DNAAF4: variants seen among roughly 807,000 people sequenced by gnomAD.
The protein encoded by DNAAF4 is dynein assembly factor 4, axonemal.
DNAAF4 carries 43 observed loss-of-function variants against 51.8 expected under a neutral mutation model. The observed-to-expected ratio is 0.83, with a 90% CI of 0.65 to 1.07. The LOEUF is 1.07. DNAAF4 is among the 50% of genes least tolerant of loss of function. DNAAF4 has a pLI of 0.00. For synonymous variants in DNAAF4, 194 were observed against 165.6 expected (o/e 1.17, Z -1.32); for missense variants, 581 against 493.0 (o/e 1.18, Z -1.69).
intron 5 of DNAAF4, among the ~76,000 whole-genome samples, chr15:55,460,171 ATTTAC>A (rs1351349105): frequency 6.8e-6 from 1 of 147,372 alleles, no homozygotes; most frequent in East Asian, 2.0e-4. Flanking sequence ...TTATTTATTT[ATTTAC>A]TTATTTATTT....
At chr15:55,484,929 C>T (rs923110662) in intron 4 of DNAAF4, among the ~76,000 whole-genome samples, 2 of 152,180 alleles carry the variant, frequency 1.3e-5, no homozygotes, top group African/African-American at 4.8e-5. Flanking sequence ...GGTGGGTCTG[C>T]CTTTCCCAGC....
chr15:55,501,745 G>A, intron 1 of DNAAF4, among the ~76,000 whole-genome samples: 1 of 151,346 alleles, frequency 6.6e-6, no homozygotes. Context: ...CTAAAATTAA[G>A]AAGTGTTGCT....
At chr15:55,465,011 C>A (rs567701565) in intron 5 of DNAAF4, among the ~76,000 whole-genome samples, 1 of 152,084 alleles carries the variant, frequency 6.6e-6, no homozygotes, top group African/African-American at 2.4e-5. Flanking sequence ...TGCTCAACAC[C>A]GCTAATTATT....
At chr15:55,485,981 C>A (rs1413174943) in intron 4 of DNAAF4, among the ~76,000 whole-genome samples, 4 of 116,694 alleles carry the variant, frequency 3.4e-5, no homozygotes, top group Non-Finnish European at 4.9e-5. Context: ...GACAACAGAG[C>A]GAGACTCCAT....
intron 1 of DNAAF4, among the ~76,000 whole-genome samples, chr15:55,499,934 T>C (rs928230037): frequency 6.6e-6 from 1 of 152,218 alleles, no homozygotes; most frequent in African/African-American, 2.4e-5. Flanking sequence ...TGCTCCAGGC[T>C]GCTTTCTGCA....
intron 1 of DNAAF4, among the ~76,000 whole-genome samples, chr15:55,506,366 C>CT (rs2058727322): frequency 6.6e-6 from 1 of 152,162 alleles, no homozygotes; most frequent in Admixed American, 6.5e-5. Context: ...GATGCTGATG[C>CT]TTTGTGAACC....
intron 5 of DNAAF4, among the ~76,000 whole-genome samples, chr15:55,453,359 T>C (rs1401577314): frequency 6.6e-6 from 1 of 151,966 alleles, no homozygotes; most frequent in Non-Finnish European, 1.5e-5. Context: ...CAATCCAGTA[T>C]GAGGAACAAT....
Position 55,431,359 on chromosome 15 carries a change from T to TACAC in DNAAF4, c.1154-584_1154-581dup, listed in dbSNP as rs34741079. The stretch of plus-strand genomic sequence containing the variant: ...TTATTTCCGAGCTTAGGTGTGTGTA[T>TACAC]ACACACACACACACACACACACACA... On this transcript the variant is annotated intron_variant, in intron 9 of 9. Transcript: ENST00000321149. Among the ~76,000 whole-genome samples, 151 of 149,512 alleles carry TACAC rather than the reference T, an allele frequency of 1.0e-3. 1 individual carries two copies. The East Asian group carries it at 0.02, about 20-fold the overall frequency.
At chr15:55,501,376 CT>C (rs1192104530) in intron 1 of DNAAF4, among the ~76,000 whole-genome samples, 13,099 of 104,390 alleles carry the variant, frequency 0.13, 1,037 homozygotes, top group African/African-American at 0.27. Context: ...TTCTTTCTTT[CT>C]TTTTTTTTTT....
intron 1 of DNAAF4, among the ~76,000 whole-genome samples, chr15:55,498,892 C>G (rs1254616674): frequency 8.1e-6 from 1 of 123,688 alleles, no homozygotes; most frequent in Admixed American, 9.4e-5. Context: ...GCCTGGGAAA[C>G]AAGAGCGAAA....
chr15:55,446,125 G>A (rs1416131254), intron 6 of DNAAF4, among the ~76,000 whole-genome samples: 3 of 145,192 alleles, frequency 2.1e-5, no homozygotes, highest in Non-Finnish European at 4.5e-5. Context: ...GCCAGGCAGA[G>A]GCGCTCCTCA....
At chr15:55,433,939 A>ATATAATATTATAATATGTATTT (rs369357154) in intron 8 of DNAAF4, among the ~76,000 whole-genome samples, 1 of 5,510 alleles carries the variant, frequency 1.8e-4, no homozygotes, top group Non-Finnish European at 2.8e-4. Context: ...TATATAAAAT[A>ATATAATATTATAATATGTATTT]TATATAATAT....
chr15:55,440,658 C>T (rs994727307), intron 6 of DNAAF4, among the ~76,000 whole-genome samples: 3 of 145,194 alleles, frequency 2.1e-5, no homozygotes, highest in South Asian at 2.3e-4. Context: ...TGGGCCACTG[C>T]ACCTGGCCAT....
At chr15:55,442,595 G>A in intron 6 of DNAAF4, 2 of 1,352,424 alleles carry the variant, frequency 1.5e-6, no homozygotes, top group East Asian at 4.6e-5. Context: ...GCTTCTTCTG[G>A]AGGGGAGAGA....
chr15:55,444,271 G>C (rs1430010857), intron 6 of DNAAF4, among the ~76,000 whole-genome samples: 1 of 152,174 alleles, frequency 6.6e-6, no homozygotes, highest in Admixed American at 6.5e-5. Context: ...TGGCTAGCCA[G>C]TTTTCCCAGT....
At chr15:55,442,951 A>G (rs1857141794) in intron 6 of DNAAF4, 2 of 1,611,214 alleles carry the variant, frequency 1.2e-6, no homozygotes, top group African/African-American at 2.7e-5. Context: ...AAATAAGCAA[A>G]CCATCCTTTT....
downstream of DNAAF4, among the ~76,000 whole-genome samples, chr15:55,428,544 G>C (rs925324715): frequency 3.1e-4 from 40 of 128,794 alleles, no homozygotes; most frequent in Admixed American, 4.5e-4. Context: ...ACCCAGGTTG[G>C]AGTACAGTGG....
chr15:55,503,292 C>CT (rs2058709369), intron 1 of DNAAF4, among the ~76,000 whole-genome samples: 1 of 152,038 alleles, frequency 6.6e-6, no homozygotes, highest in African/African-American at 2.4e-5. Flanking sequence ...AATAACCTAC[C>CT]AACCAAAAAA....
At position 55,498,514 on chromosome 15, in the gene DNAAF4, A is replaced by C. The variant is rs1244572505; in HGVS notation, c.-185T>G. The C allele has an allele frequency of 1.2e-5, 8 of 650,066 alleles. No homozygotes were observed. The highest frequency in any genetic ancestry group is 1.9e-5 in the African/African-American group (1 of 51,376). 40.3% of individuals were successfully genotyped at this position (650,066 alleles called of 1,614,324 possible). Reference sequence around the variant, plus strand: ...GCGTGACTATCCAGGCGCCCAGACCAGAGAGTGATGCCGATTCTTGGGGTT... The same window carrying C: ...GCGTGACTATCCAGGCGCCCAGACCCGAGAGTGATGCCGATTCTTGGGGTT... On this transcript the variant is annotated 5_prime_UTR_variant, in exon 2 of 10. Coordinates refer to ENST00000321149, the MANE Select transcript of DNAAF4 (RefSeq NM_130810.4).
Sources: gnomAD v4.1 joint callset for allele counts (sites outside exome capture counted in the v4.1 genomes callset) on GRCh38, gnomAD v4.1.1 for gene constraint, MANE v1.5 for transcripts, NCBI Gene and HGNC (gene_info 2026-07-23, HGNC 2026-07-21) for gene names.